MID1: variants seen among roughly 807,000 people sequenced by gnomAD.
MID1 encodes the protein E3 ubiquitin-protein ligase Midline-1.
Under a neutral mutation model 40.4 loss-of-function variants are expected in MID1, and 7 were observed. That is an observed-to-expected ratio of 0.17 (90% confidence interval 0.10 to 0.33). The LOEUF is 0.33. Among genes scored for constraint, MID1 ranks in the 10% least tolerant of loss-of-function variants. The pLI is 1.00. For synonymous variants in MID1, 229 were observed against 221.2 expected, an observed-to-expected ratio of 1.04 and a Z score of -0.31; for missense variants, 367 against 558.5, an observed-to-expected ratio of 0.66 and a Z score of 3.46.
intron 1 of MID1, among the ~76,000 whole-genome samples, chrX:10,829,509 A>G (rs761372673): frequency 4.5e-5 from 5 of 111,852 alleles, no homozygotes; most frequent in Admixed American, 3.8e-4. Context: ...ATCCATTTTT[A>G]TTTTCTTTTA....
intron 1 of MID1, among the ~76,000 whole-genome samples, chrX:10,712,249 G>A (rs996003697): frequency 4.5e-5 from 5 of 110,836 alleles, no homozygotes; most frequent in Admixed American, 9.6e-5. Context: ...AACTGGCAGC[G>A]GGGAAAGGGA....
At chrX:10,694,752 T>A (rs967515821) in intron 1 of MID1, among the ~76,000 whole-genome samples, 1 of 111,119 alleles carries the variant, frequency 9.0e-6, no homozygotes. Context: ...ATAGATGGAG[T>A]TGAAAAATGC....
intron 7 of MID1, among the ~76,000 whole-genome samples, chrX:10,460,522 CATCTCTTTGGT>C (rs1170607732): frequency 9.0e-6 from 1 of 111,248 alleles, no homozygotes; most frequent in African/African-American, 3.3e-5. Flanking sequence ...TGGCTGAAAA[CATCTCTTTGGT>C]ATCAGGTCCA....
At chrX:10,597,011 C>G (rs1197795417) in intron 1 of MID1, among the ~76,000 whole-genome samples, 1 of 110,834 alleles carries the variant, frequency 9.0e-6, no homozygotes, top group African/African-American at 3.3e-5. Flanking sequence ...TGAATTTATA[C>G]TGCCCATTAA....
chrX:10,738,572 G>A (rs761866646), intron 1 of MID1, among the ~76,000 whole-genome samples: 2 of 111,534 alleles, frequency 1.8e-5, no homozygotes, highest in South Asian at 7.5e-4. Flanking sequence ...TTGAATTTTA[G>A]ATAAATCATG....
At chrX:10,524,367 A>G (rs753555570) in intron 2 of MID1, among the ~76,000 whole-genome samples, 2 of 111,449 alleles carry the variant, frequency 1.8e-5, no homozygotes, top group Non-Finnish European at 3.8e-5. Context: ...TGGGCCACAC[A>G]TAAAATAACT....
chrX:10,580,933 TAAAAAAAAA>T (rs757426965), intron 1 of MID1, among the ~76,000 whole-genome samples: 1 of 58,534 alleles, frequency 1.7e-5, no homozygotes, highest in African/African-American at 6.2e-5. Context: ...TGGTGTCCTG[TAAAAAAAAA>T]AAAAAAAAAA....
At chrX:10,734,092 G>C (rs2043471210) in intron 1 of MID1, among the ~76,000 whole-genome samples, 1 of 112,142 alleles carries the variant, frequency 8.9e-6, no homozygotes. Flanking sequence ...GCACGCAAAT[G>C]TTCTTTGCAG....
intron 1 of MID1, among the ~76,000 whole-genome samples, chrX:10,649,596 T>C (rs1173858178): frequency 8.9e-6 from 1 of 112,060 alleles, no homozygotes; most frequent in Non-Finnish European, 1.9e-5. Flanking sequence ...TCCATCTAAG[T>C]AAGAAAATAA....
At chrX:10,661,318 C>CTT (rs113834216) in intron 1 of MID1, among the ~76,000 whole-genome samples, 3 of 102,631 alleles carry the variant, frequency 2.9e-5, no homozygotes, top group African/African-American at 1.1e-4. Flanking sequence ...CCAACTATTT[C>CTT]TTTTTTTTTT....
chrX:10,502,458 G>A (rs1157329833), intron 3 of MID1, among the ~76,000 whole-genome samples: 2 of 111,506 alleles, frequency 1.8e-5, no homozygotes, highest in Non-Finnish European at 3.8e-5. Context: ...CTATTTCTGG[G>A]TGTTGAGAAG....
At chrX:10,566,823 TAC>T in intron 2 of MID1, 63 bp downstream of exon 2, 5 of 1,120,254 alleles carry the variant, frequency 4.5e-6, no homozygotes, top group Non-Finnish European at 6.1e-6. Flanking sequence ...TAGCAGTGAA[TAC>T]ACTTTTTATT....
At chrX:10,519,196 T>C (rs750383522) in intron 3 of MID1, among the ~76,000 whole-genome samples, 2 of 111,685 alleles carry the variant, frequency 1.8e-5, no homozygotes, top group South Asian at 3.7e-4. Flanking sequence ...AGATTTACCA[T>C]AAAGCTCAGG....
intron 1 of MID1, among the ~76,000 whole-genome samples, chrX:10,751,639 T>C (rs1438155593): frequency 9.0e-6 from 1 of 111,639 alleles, no homozygotes; most frequent in Admixed American, 9.4e-5. Flanking sequence ...TCAACAACAA[T>C]AACAACACCA....
At chrX:10,454,849 C>T in intron 9 of MID1, 21 bp downstream of exon 9, 1 of 1,173,319 alleles carries the variant, frequency 8.5e-7, no homozygotes, top group Non-Finnish European at 1.2e-6. Flanking sequence ...AACTGCAGGA[C>T]AATAGAAATA....
At chrX:10,793,372 G>A (rs1018798175) in intron 1 of MID1, among the ~76,000 whole-genome samples, 2 of 112,383 alleles carry the variant, frequency 1.8e-5, no homozygotes, top group African/African-American at 3.2e-5. Context: ...TGATCTCAGC[G>A]ATCTCACGTG....
At chrX:10,570,083 CAGAG>C (rs753496479) in intron 1 of MID1, among the ~76,000 whole-genome samples, 1 of 112,150 alleles carries the variant, frequency 8.9e-6, no homozygotes, top group South Asian at 3.7e-4. Context: ...CCATTTCACC[CAGAG>C]AGAAATTCAC....
At position 10,482,539 on chromosome X, in the gene MID1, G is replaced by C. The variant is rs1399226678; in HGVS notation, c.954C>G (p.His318Gln). The C allele has an allele frequency of 3.3e-6, 4 of 1,210,525 alleles. No individual in the cohort carries two copies. Among genetic ancestry groups the C allele is most frequent in the Non-Finnish European group, 4.5e-6 (4 of 894,684 alleles). ...RSASLISQAEHSLKENDHARF... is the reference protein window; with the variant it reads ...RSASLISQAEQSLKENDHARF... ...GCGCATGATCATTCTCCTTCAGAGAGTGTTCCGCTTGGGAGATGAGTGATG... is the reference window on the plus strand; with the variant it reads ...GCGCATGATCATTCTCCTTCAGAGACTGTTCCGCTTGGGAGATGAGTGATG... The change falls in exon 5 of 10, where the codon CAC (histidine) becomes CAG (glutamine). Residue 318 changes from histidine (H) to glutamine (Q), a missense_variant. By Grantham distance (24) the His-to-Gln change is conservative. Around this residue, in one of 3 missense-constraint regions of MID1, gnomAD observed 275 missense variants for 383.1 expected, o/e 0.72. Coordinates refer to ENST00000317552, the MANE Select transcript of MID1 (RefSeq NM_000381.4).
chrX:10,737,657 A>G (rs1602547844), intron 1 of MID1, among the ~76,000 whole-genome samples: 1 of 107,244 alleles, frequency 9.3e-6, no homozygotes, highest in South Asian at 4.4e-4. Context: ...AAAGCAGAGG[A>G]GAGAAGGAAA....
Sources: gnomAD v4.1 joint callset for allele counts (sites outside exome capture counted in the v4.1 genomes callset) on GRCh38, gnomAD v4.1.1 for gene constraint, gnomAD v4.1.1 regional missense constraint, MANE v1.5 for transcripts, NCBI Gene and HGNC (gene_info 2026-07-23, HGNC 2026-07-21) for gene names.